Variants in MFF observed in about 807,000 individuals in gnomAD.
The protein encoded by MFF is mitochondrial fission factor, also known as chromosome 2 open reading frame 33.
In MFF, 12 loss-of-function variants were observed where a neutral mutation model predicts 36.9. The observed-to-expected ratio is 0.33, with a 90% confidence interval of 0.21 to 0.53. The LOEUF is 0.53. Ranked by LOEUF, MFF falls within the 20% of genes least tolerant of loss-of-function variation. The pLI is 0.95. For missense variants in MFF, 348 were observed against 366.6 expected (o/e 0.95, Z 0.42); for synonymous variants, 99 against 126.2 (o/e 0.78, Z 1.44).
intron 5 of MFF, chr2:227,342,666 TA>T (rs1296154622): frequency 2.5e-6 from 3 of 1,212,556 alleles, no homozygotes; most frequent in Non-Finnish European, 2.4e-6. Context: ...AAGTGAATTC[TA>T]AACAGTAAAA....
chr2:227,336,558 TG>T (rs1360558467), intron 4 of MFF, among the ~76,000 whole-genome samples: 1 of 152,176 alleles, frequency 6.6e-6, no homozygotes, highest in Non-Finnish European at 1.5e-5. Flanking sequence ...GTTTCAGAAA[TG>T]GAACTATCTC....
chr2:227,343,882 G>C (rs886117942), intron 5 of MFF, among the ~76,000 whole-genome samples: 1 of 152,052 alleles, frequency 6.6e-6, no homozygotes, highest in African/African-American at 2.4e-5. Context: ...CCACCTCCCG[G>C]GTTCAAGCGA....
chr2:227,334,601 A>G (rs1230918444), intron 4 of MFF, among the ~76,000 whole-genome samples: 1 of 152,200 alleles, frequency 6.6e-6, no homozygotes, highest in Non-Finnish European at 1.5e-5. Flanking sequence ...AGTGGATGCT[A>G]GAATGAGGTA....
chr2:227,340,046 TTAAAG>T (rs1440730490), intron 4 of MFF, among the ~76,000 whole-genome samples: 5 of 152,234 alleles, frequency 3.3e-5, no homozygotes, highest in Non-Finnish European at 7.3e-5. Flanking sequence ...AGTAGCGTTC[TTAAAG>T]TAAATAGACA....
At chr2:227,329,746 AT>A (rs1292637918) in intron 2 of MFF, 1 of 1,567,494 alleles carries the variant, frequency 6.4e-7, no homozygotes, top group Admixed American at 1.7e-5. Context: ...CTGTATTTAA[AT>A]GAGTAAAGGA....
At chr2:227,329,910 C>A in intron 2 of MFF, 1 of 511,744 alleles carries the variant, frequency 2.0e-6, no homozygotes, top group Non-Finnish European at 3.4e-6. Context: ...CGGCAACATT[C>A]TTTCTACTGC....
intron 6 of MFF, among the ~76,000 whole-genome samples, chr2:227,349,888 A>C (rs2075900260): frequency 6.6e-6 from 1 of 152,074 alleles, no homozygotes; most frequent in Non-Finnish European, 1.5e-5. Flanking sequence ...GCAATACCTT[A>C]TCTTTGGTCA....
At chr2:227,352,085 A>T (rs1164883829) in intron 6 of MFF, 1 of 155,592 alleles carries the variant, frequency 6.4e-6, no homozygotes, top group African/African-American at 2.4e-5. Context: ...AGAGCTGTTG[A>T]TATCAGATGA....
In MFF at chr2:227,351,582, A is replaced by G. The variant is rs1049750417; in HGVS notation, c.600-932A>G. 2.6e-5 allele frequency: 4 copies of G among 152,220 alleles called. No homozygotes were observed. In the South Asian group the frequency reaches 8.3e-4, roughly 32 times the overall value. 9.4% of individuals were successfully genotyped at this position (152,220 alleles called of 1,614,324 possible). A position where few individuals can be genotyped will look rare whatever the true frequency, so the allele number is the denominator to read the frequency against. The stretch of plus-strand genomic sequence containing the variant: ...ATTTAATAATTCTTCAAATCTTTAT[A>G]TGGATCCAACACTCCAGTCTCCTTT... On this transcript the variant is annotated intron_variant, in intron 6 of 8. Transcript: ENST00000304593.
chr2:227,352,551 A>T lies in MFF; in HGVS notation c.637A>T (p.Asn213Tyr). 6.2e-7 allele frequency: 1 copy of T among 1,613,782 alleles called. No individual in the cohort carries two copies. Among genetic ancestry groups the T allele is most frequent in the Non-Finnish European group, 8.5e-7 (1 of 1,179,784 alleles). The change falls in exon 7 of 9, where the codon AAT (asparagine) becomes TAT (tyrosine). Residue 213 changes from asparagine to tyrosine, a missense_variant. Asn to Tyr is a moderately radical substitution (Grantham distance 143). Transcript: ENST00000304593. ...LRGGSAAATS[N>Y]PHHDNVRYGI... ...TGGTGGGTCTGCTGCCGCCACTTCT[A>T]ATCCTCATCATGACAACGTCAGGTA...
chr2:227,350,116 C>A (rs559048607), intron 6 of MFF, among the ~76,000 whole-genome samples: 1 of 152,010 alleles, frequency 6.6e-6, no homozygotes, highest in African/African-American at 2.4e-5. Flanking sequence ...CCAAACTCAA[C>A]GTGAAAACCA....
intron 1 of MFF, among the ~76,000 whole-genome samples, chr2:227,325,929 C>T (rs2074073243): frequency 6.6e-6 from 1 of 152,026 alleles, no homozygotes; most frequent in Admixed American, 6.5e-5. Context: ...GTTGGAAGCC[C>T]AGGTTGTGGC....
intron 3 of MFF, among the ~76,000 whole-genome samples, chr2:227,332,154 A>G (rs1004352811): frequency 3.9e-5 from 5 of 128,222 alleles, no homozygotes; most frequent in African/African-American, 1.1e-4. Flanking sequence ...TTGTATTTTT[A>G]GTAGAGACGG....
Position 227,341,266 on chromosome 2 carries a change from A to G in MFF, c.440+886A>G, listed in dbSNP as rs1288279957. 2.0e-5 allele frequency among the ~76,000 whole-genome samples: 3 copies of G among 147,382 alleles called. No individual in the cohort carries two copies. In the Admixed American group the frequency reaches 2.1e-4, roughly 10 times the overall value. ...AAGGGGTTTTGTTGGGGTTAGGGTCATTGATATTAAAGGTAGAGAGAGGTT... is the reference window on the plus strand; with the variant it reads ...AAGGGGTTTTGTTGGGGTTAGGGTCGTTGATATTAAAGGTAGAGAGAGGTT... On this transcript the variant is annotated intron_variant, in intron 5 of 8. Transcript: ENST00000304593.
intron 6 of MFF, among the ~76,000 whole-genome samples, chr2:227,349,163 A>G (rs2075862008): frequency 6.6e-6 from 1 of 152,046 alleles, no homozygotes; most frequent in East Asian, 1.9e-4. Flanking sequence ...CATTAAAATT[A>G]TATGTCCCAA....
Position 227,355,742 on chromosome 2 carries a change from C to T in MFF, c.725C>T (p.Ala242Val), listed in dbSNP as rs760438395. The change falls in exon 8 of 9, where the codon GCA becomes GTA. Residue 242 changes from alanine (A) to valine (V), a missense_variant. By Grantham distance (64) the Ala-to-Val change is moderately conservative (BLOSUM62 0). Transcript: ENST00000304593. ...GTSDDLTVVD[A>V]ASLRRQIIKL... Reference sequence around the variant, plus strand: ...TCAGATGACCTGACTGTTGTAGATGCAGCTTCACTAAGACGACAGGTATTT... The same window carrying T: ...TCAGATGACCTGACTGTTGTAGATGTAGCTTCACTAAGACGACAGGTATTT... 1.9e-6 allele frequency: 3 copies of T among 1,606,986 alleles called. No individual in the cohort carries two copies. Among genetic ancestry groups the T allele is most frequent in the South Asian group, 2.2e-5 (2 of 90,834 alleles).
chr2:227,335,469 C>T (rs369493635), intron 4 of MFF, among the ~76,000 whole-genome samples: 12 of 152,036 alleles, frequency 7.9e-5, no homozygotes, highest in East Asian at 1.9e-4. Context: ...TACTAAATGC[C>T]GCTGAATTGT....
At chr2:227,339,776 G>T (rs2075282825) in intron 4 of MFF, among the ~76,000 whole-genome samples, 1 of 152,150 alleles carries the variant, frequency 6.6e-6, no homozygotes, top group Admixed American at 6.5e-5. Context: ...AGAGCATGTG[G>T]GATTAGAGAT....
In MFF at chr2:227,330,682, G is replaced by A. The variant is rs754521898; in HGVS notation, c.17G>A (p.Arg6Gln). The A allele has an allele frequency of 5.0e-6, 8 of 1,614,096 alleles. No homozygotes were observed. Among genetic ancestry groups the A allele is most frequent in the South Asian group, 3.3e-5 (3 of 91,082 alleles). ...GCTGCTGAGATGGCAGAAATTAGTC[G>A]AATTCAGTACGAAATGGAATATACT... MAEISRIQYEMEYTEG... is the reference protein window; with the variant it reads MAEISQIQYEMEYTEG... The change falls in exon 3 of 9, where the codon CGA (arginine) becomes CAA (glutamine). Residue 6 changes from arginine to glutamine, a missense_variant. Transcript: ENST00000304593.
Sources: gnomAD v4.1 joint callset for allele counts (sites outside exome capture counted in the v4.1 genomes callset) on GRCh38, gnomAD v4.1.1 for gene constraint, MANE v1.5 for transcripts, NCBI Gene and HGNC (gene_info 2026-07-23, HGNC 2026-07-21) for gene names.